NID2: variants seen among roughly 807,000 people sequenced by gnomAD.
NID2 encodes the protein nidogen 2, also known as nidogen-2.
NID2 carries 83 observed loss-of-function variants against 145.4 expected under a neutral mutation model. That is an observed-to-expected ratio of 0.57 (90% CI 0.48 to 0.69). The LOEUF is 0.69. NID2 is among the 30% of genes least tolerant of loss of function. NID2 has a pLI of 0.00. For synonymous variants in NID2, 739 were observed against 701.3 expected, an observed-to-expected ratio of 1.05 and a Z score of -0.85; for missense variants, 1,807 against 1,765.7, an observed-to-expected ratio of 1.02 and a Z score of -0.42.
At chr14:52,037,712 T>C (rs2140394508) in intron 9 of NID2, among the ~76,000 whole-genome samples, 1 of 152,350 alleles carries the variant, frequency 6.6e-6, no homozygotes, top group African/African-American at 2.4e-5. Context: ...ATAGGGATTA[T>C]GTTGAATTAA....
intron 2 of NID2, among the ~76,000 whole-genome samples, chr14:52,065,619 G>C (rs1893172676): frequency 8.3e-6 from 1 of 120,480 alleles, no homozygotes; most frequent in African/African-American, 3.4e-5. Context: ...GTGTCATCTA[G>C]CATTAGGTAT....
chr14:52,008,685 T>G (rs1890888864), intron 18 of NID2: 1 of 152,230 alleles, frequency 6.6e-6, no homozygotes, highest in East Asian at 1.9e-4. Context: ...CCTCCGTTTG[T>G]TGAAGTCTTG....
At position 52,041,155 on chromosome 14, in the gene NID2, CA is replaced by C. The variant is rs1318809877; in HGVS notation, c.1826-305del. The stretch of plus-strand genomic sequence containing the variant: ...TAAGGTTGCTAGACTTAGCAAAAAA[CA>C]AACAAACAAATAAACCTAACAACAA... On this transcript the variant is annotated intron_variant, in intron 7 of 21. Coordinates refer to ENST00000216286, the MANE Select transcript of NID2 (RefSeq NM_007361.4). Among the ~76,000 whole-genome samples, 7 of 148,622 alleles carry C rather than the reference CA, an allele frequency of 4.7e-5. No homozygotes were observed. In the East Asian group the frequency reaches 1.2e-3, roughly 25 times the overall value.
At chr14:52,024,069 G>A (rs768660745) in intron 12 of NID2, among the ~76,000 whole-genome samples, 35 of 152,088 alleles carry the variant, frequency 2.3e-4, no homozygotes, top group Non-Finnish European at 3.7e-4. Flanking sequence ...TTCATGATTA[G>A]CCTAGCCTGA....
At chr14:52,038,677 C>A in intron 9 of NID2, 70 bp downstream of exon 9, 1 of 1,255,986 alleles carries the variant, frequency 8.0e-7, no homozygotes, top group Non-Finnish European at 1.1e-6. Context: ...CCTTAGTAAC[C>A]TCTGTGAATC....
At chr14:52,060,455 T>A (rs1216092722) in intron 2 of NID2, 99 bp from the exon 3 acceptor site, 1 of 649,048 alleles carries the variant, frequency 1.5e-6, no homozygotes, top group Non-Finnish European at 2.4e-6. Context: ...CAAAGCATCA[T>A]AACGTGCAAA....
At chr14:52,065,233 T>G (rs532911001) in intron 2 of NID2, among the ~76,000 whole-genome samples, 1 of 152,324 alleles carries the variant, frequency 6.6e-6, no homozygotes, top group African/African-American at 2.4e-5. Context: ...GCTTTGAATC[T>G]TCCAGTTTCC....
intron 17 of NID2, 142 bp downstream of exon 17, chr14:52,011,412 G>C: frequency 2.0e-6 from 2 of 981,978 alleles, no homozygotes; most frequent in Non-Finnish European, 3.1e-6. Flanking sequence ...GAGGGGGCTA[G>C]TCTTATACAG....
At chr14:52,019,820 C>A (rs1368785755) in intron 13 of NID2, among the ~76,000 whole-genome samples, 1 of 152,104 alleles carries the variant, frequency 6.6e-6, no homozygotes, top group African/African-American at 2.4e-5. Context: ...GGGCAGTTAA[C>A]CAGAGGGGCT....
At chr14:52,048,590 T>G (rs1022407842) in intron 5 of NID2, among the ~76,000 whole-genome samples, 1 of 152,118 alleles carries the variant, frequency 6.6e-6, no homozygotes, top group South Asian at 2.1e-4. Context: ...TTCTTCCTAT[T>G]CTAGTTAGAA....
Position 52,027,352 on chromosome 14 carries a change from G to GAAA in NID2, c.2531-9_2531-8insTTT. On this transcript the variant is annotated splice_polypyrimidine_tract_variant and intron_variant, in intron 11 of 21. Coordinates refer to ENST00000216286, the MANE Select transcript of NID2 (RefSeq NM_007361.4). ...TGGCAGGTGGGGTGATCACTGAAAA[G>GAAA]AGAAGAAGATAAGGGCATCCAGAGT... 5.2e-6 allele frequency: 8 copies of GAAA among 1,539,608 alleles called. No homozygotes were observed. Among genetic ancestry groups the GAAA allele is most frequent in the Middle Eastern group, 1.7e-4 (1 of 5,770 alleles).
At position 52,041,346 on chromosome 14, in the gene NID2, G is replaced by A. The variant is rs142805884; in HGVS notation, c.1826-495C>T. ...CATTTTTTATCTACTTTTGACCCAA[G>A]GGCTTTATTCAAATTTTGATTAAAG... On this transcript the variant is annotated intron_variant, in intron 7 of 21. Transcript: ENST00000216286. Among the ~76,000 whole-genome samples the A allele has an allele frequency of 3.4e-3, 517 of 152,122 alleles. 2 individuals carry two copies. The highest frequency in any genetic ancestry group is 0.012 in the African/African-American group (492 of 41,506).
At position 52,010,735 on chromosome 14, in the gene NID2, A is replaced by C. The variant is rs946160965; in HGVS notation, c.3722+141T>G. On this transcript the variant is annotated intron_variant, in intron 18 of 21. Coordinates refer to ENST00000216286, the MANE Select transcript of NID2 (RefSeq NM_007361.4). ...CCTAGAACAGGTCCTGACACCTCTT[A>C]GATCCTCAGTAAATCTTTGTTACAT... is the stretch of plus-strand genomic sequence containing the variant. 4.3e-5 allele frequency: 34 copies of C among 787,702 alleles called. No homozygotes were observed. The African/African-American group carries it at 5.3e-4, about 12-fold the overall frequency. 48.8% of individuals were successfully genotyped at this position (787,702 alleles called of 1,614,324 possible).
chr14:52,028,846 T>A lies in NID2; in HGVS notation c.2406A>T (p.Glu802Asp), dbSNP rs764088484. 2 of 1,613,228 alleles carry A rather than the reference T, an allele frequency of 1.2e-6. No individual in the cohort carries two copies. Residue 802 changes from glutamate (E) to aspartate (D), a missense_variant, in exon 11 of 22, where the codon GAA becomes GAT. By Grantham distance (45) the Glu-to-Asp change is conservative. Coordinates refer to ENST00000216286, the MANE Select transcript of NID2 (RefSeq NM_007361.4). ...YQGDGRNCVDENECATGFHRC... is the reference protein window; with the variant it reads ...YQGDGRNCVDDNECATGFHRC... ...GATGAAAGCCAGTTGCACATTCATTTTCATCTAAGAAGAAATGAGAAGAGA... is the reference window on the plus strand; with the variant it reads ...GATGAAAGCCAGTTGCACATTCATTATCATCTAAGAAGAAATGAGAAGAGA...
intron 20 of NID2, 99 bp from the exon 21 acceptor site, chr14:52,005,948 G>A (rs1475603279): frequency 8.3e-6 from 7 of 839,532 alleles, no homozygotes; most frequent in Middle Eastern, 3.0e-4. Flanking sequence ...GAAAATTTCT[G>A]GCAGCCTTCT....
intron 19 of NID2, 172 bp downstream of exon 19, chr14:52,007,638 A>G: frequency 1.5e-6 from 1 of 655,690 alleles, no homozygotes; most frequent in Non-Finnish European, 2.6e-6. Flanking sequence ...CAAACCCCAG[A>G]AAGTTCATTT....
In NID2 at chr14:52,029,676, T is replaced by C; in HGVS notation, c.2272A>G (p.Thr758Ala). 6.2e-7 allele frequency: 1 copy of C among 1,613,614 alleles called. No homozygotes were observed. Among genetic ancestry groups the C allele is most frequent in the Non-Finnish European group, 8.5e-7 (1 of 1,179,714 alleles). ...CCATCATAGCAAGGATTCCCCGGAGTGGGGTCTGAATCCTCTGCATGAGTA... is the reference window on the plus strand; with the variant it reads ...CCATCATAGCAAGGATTCCCCGGAGCGGGGTCTGAATCCTCTGCATGAGTA... ...IGPVKEDSDP[T>A]PGNPCYDGSH... Residue 758 changes from threonine (T) to alanine (A), a missense_variant, in exon 10 of 22, where the codon ACT becomes GCT. By Grantham distance (58) the Thr-to-Ala change is moderately conservative. Transcript: ENST00000216286.
At chr14:52,064,201 G>T (rs1893112095) in intron 2 of NID2, among the ~76,000 whole-genome samples, 1 of 152,182 alleles carries the variant, frequency 6.6e-6, no homozygotes, top group South Asian at 2.1e-4. Context: ...AAGTCAACAT[G>T]TCTCAGTCTC....
At chr14:52,045,125 T>C (rs1175059253) in intron 5 of NID2, among the ~76,000 whole-genome samples, 1 of 152,130 alleles carries the variant, frequency 6.6e-6, no homozygotes, top group Non-Finnish European at 1.5e-5. Flanking sequence ...TCACCACATG[T>C]CTGGGGTTAA....
Sources: gnomAD v4.1 joint callset for allele counts (sites outside exome capture counted in the v4.1 genomes callset) on GRCh38, gnomAD v4.1.1 for gene constraint, MANE v1.5 for transcripts, NCBI Gene and HGNC (gene_info 2026-07-23, HGNC 2026-07-21) for gene names.